CALN1: variants seen among roughly 807,000 people sequenced by gnomAD.
CALN1 encodes the protein calcium-binding protein 8.
In CALN1, 17 loss-of-function variants were observed where a neutral mutation model predicts 30.6. The observed-to-expected ratio is 0.56, with a 90% CI of 0.38 to 0.83. The LOEUF is 0.83. Ranked by LOEUF, CALN1 falls within the 40% of genes least tolerant of loss-of-function variation. The pLI, the probability that CALN1 is intolerant of heterozygous loss-of-function variation, is 0.00. For synonymous variants in CALN1, 156 were observed against 131.4 expected (o/e 1.19, Z -1.28); for missense variants, 291 against 354.9 (o/e 0.82, Z 1.45).
At chr7:72,244,719 C>G (rs1162097130) in intron 3 of CALN1, among the ~76,000 whole-genome samples, 1 of 151,474 alleles carries the variant, frequency 6.6e-6, no homozygotes, top group African/African-American at 2.4e-5. Context: ...GCTTCCCAGA[C>G]AGAGAAAATA....
At chr7:72,458,259 A>AT in the CALN1 span, among the ~76,000 whole-genome samples, 43 of 75,838 alleles carry the variant, frequency 5.7e-4, 5 homozygotes, top group African/African-American at 2.2e-3. Flanking sequence ...ATATTTTATA[A>AT]TATATTCTAT....
At chr7:72,462,474 C>T in the CALN1 span, among the ~76,000 whole-genome samples, 4 of 152,214 alleles carry the variant, frequency 2.6e-5, no homozygotes, top group African/African-American at 9.7e-5. Context: ...CATGAGCCAC[C>T]GCAACCAGCT....
intron 6 of CALN1, among the ~76,000 whole-genome samples, chr7:71,806,271 A>AACACACAC (rs71092914): frequency 2.1e-5 from 2 of 93,274 alleles, no homozygotes; most frequent in Non-Finnish European, 3.8e-5. Flanking sequence ...CACACACACA[A>AACACACAC]ACACACACAC....
chr7:72,131,064 G>A (rs768410317), intron 3 of CALN1, among the ~76,000 whole-genome samples: 96 of 152,292 alleles, frequency 6.3e-4, no homozygotes, highest in Non-Finnish European at 1.0e-3. Context: ...CAAGGATGGC[G>A]TAGGTAAGGA....
chr7:72,410,448 CA>C (rs1807045735), intron 1 of CALN1, among the ~76,000 whole-genome samples: 1 of 152,172 alleles, frequency 6.6e-6, no homozygotes, highest in African/African-American at 2.4e-5. Context: ...GATGTAAAAT[CA>C]AAGTTGTTTT....
intron 2 of CALN1, among the ~76,000 whole-genome samples, chr7:72,356,956 CTTTGGTTTTGT>C (rs1386420983): frequency 1.3e-5 from 2 of 151,870 alleles, no homozygotes; most frequent in African/African-American, 4.9e-5. Context: ...TTTGGTTTTG[CTTTGGTTTTGT>C]TTTGTTTTGT....
At chr7:72,178,655 C>A (rs1182923336) in intron 3 of CALN1, among the ~76,000 whole-genome samples, 1 of 151,484 alleles carries the variant, frequency 6.6e-6, no homozygotes, top group Non-Finnish European at 1.5e-5. Flanking sequence ...CACTAATGCA[C>A]TCCAGCCCAG....
intron 3 of CALN1, among the ~76,000 whole-genome samples, chr7:72,201,741 A>C (rs1791442006): frequency 6.7e-6 from 1 of 150,270 alleles, no homozygotes; most frequent in African/African-American, 2.5e-5. Context: ...TCTGATTAAA[A>C]AAAAAAAAAA....
At chr7:72,379,869 C>T (rs1804785637) in intron 2 of CALN1, among the ~76,000 whole-genome samples, 2 of 152,226 alleles carry the variant, frequency 1.3e-5, no homozygotes, top group South Asian at 4.1e-4. Context: ...GGCCACCTCC[C>T]AGGTGCATGA....
chr7:72,255,079 C>A (rs1795821034), intron 3 of CALN1, among the ~76,000 whole-genome samples: 1 of 140,224 alleles, frequency 7.1e-6, no homozygotes, highest in African/African-American at 2.5e-5. Context: ...GCATGAGCCA[C>A]CATGCCCGGC....
chr7:72,117,186 G>A (rs1175028339), intron 3 of CALN1, among the ~76,000 whole-genome samples: 1 of 152,154 alleles, frequency 6.6e-6, no homozygotes, highest in Non-Finnish European at 1.5e-5. Context: ...GTGTATTGGT[G>A]CACACCTGCA....
intron 5 of CALN1, among the ~76,000 whole-genome samples, chr7:71,908,604 A>T (rs117948034): frequency 1.3e-5 from 2 of 152,332 alleles, no homozygotes; most frequent in East Asian, 3.9e-4. Context: ...GCACCAAAAA[A>T]AATAAACACA....
intron 3 of CALN1, among the ~76,000 whole-genome samples, chr7:72,138,521 T>TA (rs1809662376): frequency 6.7e-6 from 1 of 150,004 alleles, no homozygotes; most frequent in South Asian, 2.2e-4. Context: ...CTCCTACTTG[T>TA]ATTAACCAAT....
rs559179010 is a variant in CALN1 at position 72,389,902 on chromosome 7, T to C, written c.119+13349A>G. Among the ~76,000 whole-genome samples the C allele has an allele frequency of 5.2e-4, 77 of 148,276 alleles. 1 individual carries two copies. Among genetic ancestry groups the C allele is most frequent in the African/African-American group, 1.9e-3 (74 of 39,968 alleles). On this transcript the variant is annotated intron_variant, in intron 2 of 6. Transcript: ENST00000395275. ...CCATTGCAGCCACTGCACTCCAGCC[T>C]GGGCAACAAGAGCAAAACCCCATCT...
intron 2 of CALN1, among the ~76,000 whole-genome samples, chr7:72,288,776 A>T (rs1156978471): frequency 6.6e-6 from 1 of 152,112 alleles, no homozygotes; most frequent in African/African-American, 2.4e-5. Context: ...TGATTTTTGC[A>T]CTGCTTTGTC....
At chr7:72,037,430 A>G (rs1391692988) in intron 4 of CALN1, among the ~76,000 whole-genome samples, 1 of 152,184 alleles carries the variant, frequency 6.6e-6, no homozygotes, top group Non-Finnish European at 1.5e-5. Context: ...GATTACAGGC[A>G]TGAGCTATTG....
intron 2 of CALN1, among the ~76,000 whole-genome samples, chr7:72,401,434 T>C (rs992958617): frequency 2.6e-5 from 4 of 152,158 alleles, no homozygotes; most frequent in African/African-American, 9.7e-5. Flanking sequence ...TTAAGGAATG[T>C]GTGGATACAT....
At chr7:72,100,540 C>T (rs907540580) in intron 4 of CALN1, among the ~76,000 whole-genome samples, 2 of 152,140 alleles carry the variant, frequency 1.3e-5, no homozygotes, top group African/African-American at 4.8e-5. Context: ...ACTTCTGAGC[C>T]GGGCGCAGTG....
chr7:71,848,736 T>C (rs964356344), intron 5 of CALN1, among the ~76,000 whole-genome samples: 2 of 152,008 alleles, frequency 1.3e-5, no homozygotes, highest in Admixed American at 6.6e-5. Context: ...AAAAATTTAA[T>C]AATATTAAAA....
Sources: gnomAD v4.1 joint callset for allele counts (sites outside exome capture counted in the v4.1 genomes callset) on GRCh38, gnomAD v4.1.1 for gene constraint, MANE v1.5 for transcripts, NCBI Gene and HGNC (gene_info 2026-07-23, HGNC 2026-07-21) for gene names.